The following CDC16 variants were observed in gnomAD, a reference collection of about 807,000 sequenced individuals.
CDC16 encodes cell division cycle 16.
CDC16 carries 34 observed loss-of-function variants against 87.0 expected under a neutral mutation model. The observed-to-expected ratio is 0.39, with a 90% CI of 0.30 to 0.52. The LOEUF is 0.52. Among genes scored for constraint, CDC16 ranks in the 20% least tolerant of loss-of-function variants. The probability of loss-of-function intolerance (pLI) is 0.74; values close to 1 mark genes in which losing one functional copy is unlikely to be tolerated. For missense variants in CDC16, 653 were observed against 751.9 expected (o/e 0.87, Z 1.54); for synonymous variants, 263 against 260.6 (o/e 1.01, Z -0.09).
chr13:114,235,613 C>T (rs1012729604), intron 1 of CDC16, among the ~76,000 whole-genome samples: 9 of 152,210 alleles, frequency 5.9e-5, no homozygotes, highest in African/African-American at 2.2e-4. Context: ...TCTGCACTAC[C>T]TTTGAATAGC....
chr13:114,246,200 C>G, intron 10 of CDC16, 151 bp downstream of exon 10: 1 of 507,908 alleles, frequency 2.0e-6, no homozygotes, highest in Non-Finnish European at 3.4e-6. Flanking sequence ...ATTGTACTTA[C>G]AAAAGCAGCA....
chr13:114,265,107 A>C (rs1275728250), intron 16 of CDC16, 43 bp from the exon 17 acceptor site: 2 of 1,342,716 alleles, frequency 1.5e-6, no homozygotes, highest in Non-Finnish European at 1.1e-6. Flanking sequence ...AAGAGAAGGA[A>C]ATATGTTTTC....
Position 114,261,759 on chromosome 13 carries a change from C to G in CDC16, c.1315-128C>G. On this transcript the variant is annotated intron_variant, in intron 14 of 17. Transcript: ENST00000356221. ...TAGATAAAACAGCAGTTACCCTGGC[C>G]TTGTGGTGTGCTGGCGGCACACACT... The G allele has an allele frequency of 5.1e-6, 3 of 587,752 alleles. No individual in the cohort carries two copies. The Middle Eastern group carries it at 8.1e-4, about 159-fold the overall frequency. 36.4% of individuals were successfully genotyped at this position (587,752 alleles called of 1,614,324 possible).
rs80302281 is a variant in CDC16 at position 114,244,046 on chromosome 13, G to C, written c.767+57G>C. Reference sequence around the variant, plus strand: ...CATGGAGTTCACTCCATCTTACCTAGGTGATTCACGGACGTGCTCTCTGAA... The same window carrying C: ...CATGGAGTTCACTCCATCTTACCTACGTGATTCACGGACGTGCTCTCTGAA... On this transcript the variant is annotated intron_variant, in intron 8 of 17. Coordinates refer to ENST00000356221, the MANE Select transcript of CDC16 (RefSeq NM_001078645.3). The C allele has an allele frequency of 5.2e-3, 6,315 of 1,203,536 alleles. 64 individuals carry two copies. Among genetic ancestry groups the C allele is most frequent in the African/African-American group, 0.039 (2,593 of 66,546 alleles). 74.6% of individuals were successfully genotyped at this position (1,203,536 alleles called of 1,614,324 possible).
chr13:114,246,899 T>C (rs2081902553), intron 10 of CDC16, 32 bp from the exon 11 acceptor site: 3 of 1,394,018 alleles, frequency 2.2e-6, no homozygotes, highest in Non-Finnish European at 2.0e-6. Context: ...CCAATTCCAA[T>C]CTTTGTTTAT....
At chr13:114,260,296 A>G (rs866089259) in intron 14 of CDC16, among the ~76,000 whole-genome samples, 7 of 152,200 alleles carry the variant, frequency 4.6e-5, no homozygotes, top group Non-Finnish European at 1.0e-4. Context: ...GTGTTTGCAC[A>G]TGCGTGTATA....
At chr13:114,269,622 T>A (rs1323598034) in intron 17 of CDC16, among the ~76,000 whole-genome samples, 1 of 152,218 alleles carries the variant, frequency 6.6e-6, no homozygotes, top group Non-Finnish European at 1.5e-5. Flanking sequence ...TAAATTGTGG[T>A]ATGTTCATAC....
chr13:114,241,073 A>G (rs923106682), intron 5 of CDC16, among the ~76,000 whole-genome samples: 7 of 152,052 alleles, frequency 4.6e-5, no homozygotes, highest in African/African-American at 1.5e-4. Context: ...ATCATCTTTA[A>G]ATTCAGTTAT....
chr13:114,249,587 G>C (rs562074661), intron 11 of CDC16, among the ~76,000 whole-genome samples: 19 of 152,202 alleles, frequency 1.2e-4, no homozygotes, highest in South Asian at 2.1e-4. Flanking sequence ...ATTCCTTGTG[G>C]GTTAATTATA....
chr13:114,252,651 AAAAT>A (rs66804495), intron 12 of CDC16, among the ~76,000 whole-genome samples: 46,725 of 151,794 alleles, frequency 0.31, 8,753 homozygotes, highest in African/African-American at 0.53. Flanking sequence ...TACCAAAAAA[AAAAT>A]CTCAATAATT....
intron 5 of CDC16, among the ~76,000 whole-genome samples, chr13:114,241,844 A>G (rs2081568629): frequency 6.6e-6 from 1 of 152,192 alleles, no homozygotes; most frequent in Non-Finnish European, 1.5e-5. Context: ...TGAGGCCAGG[A>G]GTTTGAGAGC....
intron 14 of CDC16, among the ~76,000 whole-genome samples, chr13:114,259,623 C>T (rs1365057338): frequency 6.6e-6 from 1 of 152,182 alleles, no homozygotes; most frequent in Non-Finnish European, 1.5e-5. Context: ...CTTAAATGGG[C>T]TCTAGCTTTG....
rs17291104 is a variant in CDC16, at chr13:114,240,719, T to A, written c.381+1229T>A. Among the ~76,000 whole-genome samples the A allele has an allele frequency of 4.9e-3, 749 of 152,322 alleles. 6 individuals are homozygous for A. The highest frequency in any genetic ancestry group is 0.017 in the African/African-American group (700 of 41,570). ...ACTTTTCACCTTAGATAGTTATTTT[T>A]AAGCATAAAAGAATATTACACATTC... On this transcript the variant is annotated intron_variant, in intron 5 of 17. Coordinates refer to ENST00000356221, the MANE Select transcript of CDC16 (RefSeq NM_001078645.3).
At chr13:114,243,557 A>G (rs1038178563) in intron 7 of CDC16, among the ~76,000 whole-genome samples, 1 of 151,962 alleles carries the variant, frequency 6.6e-6, no homozygotes. Context: ...ATACTAAAAG[A>G]TTGAATTACC....
Position 114,265,210 on chromosome 13 carries a change from A to G in CDC16, c.1573A>G (p.Met525Val), listed in dbSNP as rs1354030582. 6.2e-7 allele frequency: 1 copy of G among 1,610,618 alleles called. No homozygotes were observed. Among genetic ancestry groups the G allele is most frequent in the Non-Finnish European group, 8.5e-7 (1 of 1,176,810 alleles). The change falls in exon 17 of 18, where the codon ATG (methionine) becomes GTG (valine). Residue 525 changes from methionine (M) to valine (V), a missense_variant. Transcript: ENST00000356221. ...SVTMLGHCIE[M>V]YIGDSEAYIG... ...TACAATGCTTGGTCATTGCATCGAA[A>G]TGTACATTGGTGATTCTGAAGCTTA... is the stretch of plus-strand genomic sequence containing the variant.
At chr13:114,238,529 C>T in intron 3 of CDC16, among the ~76,000 whole-genome samples, 1 of 151,626 alleles carries the variant, frequency 6.6e-6, no homozygotes, top group South Asian at 2.1e-4. Flanking sequence ...CTCGGACGCC[C>T]AGCAGTTATT....
intron 11 of CDC16, among the ~76,000 whole-genome samples, chr13:114,248,231 T>C (rs1376096420): frequency 6.6e-6 from 1 of 152,248 alleles, no homozygotes; most frequent in East Asian, 1.9e-4. Flanking sequence ...AATGTTCTAA[T>C]TTCTGTGGTT....
At chr13:114,261,738 T>TA in intron 14 of CDC16, 149 bp from the exon 15 acceptor site, 2 of 529,822 alleles carry the variant, frequency 3.8e-6, no homozygotes, top group Non-Finnish European at 3.4e-6. Flanking sequence ...GGGAGATAGA[T>TA]AAAACAGCAG....
At position 114,236,811 on chromosome 13, in the gene CDC16, A is replaced by G; in HGVS notation, c.116A>G (p.Asp39Gly). 2.5e-6 allele frequency: 4 copies of G among 1,613,566 alleles called. No individual in the cohort carries two copies. Among genetic ancestry groups the G allele is most frequent in the Non-Finnish European group, 2.5e-6 (3 of 1,179,594 alleles). The change falls in exon 3 of 18, where the codon GAC (aspartate) becomes GGC (glycine). Residue 39 changes from aspartate (D) to glycine (G), a missense_variant. By Grantham distance (94) the Asp-to-Gly change is moderately conservative (BLOSUM62 -1). Coordinates refer to ENST00000356221, the MANE Select transcript of CDC16 (RefSeq NM_001078645.3). ...VASLSREEPQ[D>G]IYWLAQCLYL... ...TTTTTCCCTCCAGAAGAACCCCAGG[A>G]CATCTATTGGTTGGCTCAGTGTCTT...
Sources: gnomAD v4.1 joint callset for allele counts (sites outside exome capture counted in the v4.1 genomes callset) on GRCh38, gnomAD v4.1.1 for gene constraint, MANE v1.5 for transcripts, NCBI Gene and HGNC (gene_info 2026-07-23, HGNC 2026-07-21) for gene names.